CCDC171: variants seen among roughly 807,000 people sequenced by gnomAD.
CCDC171 encodes coiled-coil domain-containing protein 171.
CCDC171 carries 177 observed loss-of-function variants against 168.2 expected under a neutral mutation model. The ratio of observed to expected loss-of-function variants is 1.05; its 90% confidence interval spans 0.93 to 1.19. The LOEUF is 1.19. Ranked by LOEUF, CCDC171 falls within the 50% of genes most tolerant of loss-of-function variation. The pLI, the probability that CCDC171 is intolerant of heterozygous loss-of-function variation, is 0.00. For synonymous variants in CCDC171, 687 were observed against 540.8 expected, an observed-to-expected ratio of 1.27 and a Z score of -3.75; for missense variants, 1,991 against 1,539.0, an observed-to-expected ratio of 1.29 and a Z score of -4.91.
At position 15,677,887 on chromosome 9, in the gene CCDC171, T is replaced by TC. The variant is rs1338937833; in HGVS notation, c.1077-871_1077-870insC. ...TATATGTGTGTGTGTGTCATATATA[T>TC]ATATATATATATATATATATATATA... On this transcript the variant is annotated intron_variant, in intron 9 of 25. Transcript: ENST00000380701. Among the ~76,000 whole-genome samples the TC allele has an allele frequency of 2.3e-3, 31 of 13,538 alleles. 1 individual carries two copies. The highest frequency in any genetic ancestry group is 0.014 in the Admixed American group (15 of 1,058). The allele number at this position is 13,538 out of a possible 152,430, so 8.9% of individuals were successfully genotyped here. A position where few individuals can be genotyped will look rare whatever the true frequency, so the allele number is the denominator to read the frequency against.
At chr9:15,674,929 C>T (rs1050666916) in intron 9 of CCDC171, among the ~76,000 whole-genome samples, 1 of 152,090 alleles carries the variant, frequency 6.6e-6, no homozygotes, top group Non-Finnish European at 1.5e-5. Context: ...AACCTTCTGT[C>T]TCGTTGATCT....
intron 23 of CCDC171, among the ~76,000 whole-genome samples, chr9:15,852,984 G>A (rs568562409): frequency 6.6e-6 from 1 of 151,594 alleles, no homozygotes; most frequent in African/African-American, 2.4e-5. Flanking sequence ...TTTTGATGAC[G>A]ATGTTTTCTA....
chr9:15,607,960 G>A (rs1194788581), intron 6 of CCDC171, among the ~76,000 whole-genome samples: 1 of 152,116 alleles, frequency 6.6e-6, no homozygotes, highest in Non-Finnish European at 1.5e-5. Flanking sequence ...TTGCAGTTCT[G>A]GAGGCTGAGA....
At chr9:16,012,116 A>G (rs1429148921) in intron 3 of CCDC171, among the ~76,000 whole-genome samples, 1 of 152,204 alleles carries the variant, frequency 6.6e-6, no homozygotes, top group African/African-American at 2.4e-5. Context: ...AGATAAGTAA[A>G]TTCTGGCTAA....
At chr9:15,922,730 C>T (rs907997111) in intron 25 of CCDC171, among the ~76,000 whole-genome samples, 1 of 151,428 alleles carries the variant, frequency 6.6e-6, no homozygotes, top group South Asian at 2.1e-4. Flanking sequence ...TTCACCAACA[C>T]TTATCTTTTG....
intron 18 of CCDC171, among the ~76,000 whole-genome samples, chr9:15,762,925 TGGAG>T (rs1296357222): frequency 6.6e-6 from 1 of 152,024 alleles, no homozygotes; most frequent in African/African-American, 2.4e-5. Flanking sequence ...ACTGCACAGG[TGGAG>T]GGAACAGTTC....
downstream of CCDC171, among the ~76,000 whole-genome samples, chr9:15,978,541 G>A (rs1831691371): frequency 6.6e-6 from 1 of 152,112 alleles, no homozygotes; most frequent in African/African-American, 2.4e-5. Context: ...AGACAATTTT[G>A]AGGAAGTCCA....
intron 11 of CCDC171, among the ~76,000 whole-genome samples, chr9:15,718,112 A>G (rs1440954642): frequency 6.6e-6 from 1 of 152,054 alleles, no homozygotes; most frequent in Non-Finnish European, 1.5e-5. Flanking sequence ...GCTGCCCTGA[A>G]GGATGATTCC....
At chr9:15,970,851 C>G (rs139004351) in intron 25 of CCDC171, among the ~76,000 whole-genome samples, 1 of 152,108 alleles carries the variant, frequency 6.6e-6, no homozygotes, top group Non-Finnish European at 1.5e-5. Flanking sequence ...GACTGAGCAC[C>G]AGGGACTATG....
chr9:15,637,290 C>T (rs781471940), intron 7 of CCDC171, among the ~76,000 whole-genome samples: 19 of 151,926 alleles, frequency 1.3e-4, no homozygotes, highest in Non-Finnish European at 2.2e-4. Context: ...ATAAAATGCA[C>T]ACAAAAAAGA....
chr9:16,068,938 T>G, the CCDC171 span, among the ~76,000 whole-genome samples: 1 of 152,126 alleles, frequency 6.6e-6, no homozygotes, highest in African/African-American at 2.4e-5. Context: ...TGTCTTCATC[T>G]CCAAAAAGGT....
chr9:15,682,210 G>T (rs955451333), intron 10 of CCDC171, among the ~76,000 whole-genome samples: 2 of 152,060 alleles, frequency 1.3e-5, no homozygotes, highest in Admixed American at 6.5e-5. Context: ...AACTTTGTAT[G>T]TGTTAGTACA....
intron 21 of CCDC171, among the ~76,000 whole-genome samples, chr9:15,797,083 G>A (rs995079022): frequency 6.6e-6 from 1 of 152,098 alleles, no homozygotes; most frequent in African/African-American, 2.4e-5. Flanking sequence ...CTGTTATAAT[G>A]GGTGTATATG....
At chr9:15,721,364 C>T (rs2053463232) in intron 11 of CCDC171, among the ~76,000 whole-genome samples, 2 of 151,636 alleles carry the variant, frequency 1.3e-5, no homozygotes, top group Admixed American at 1.3e-4. Context: ...CATAACTCCC[C>T]CAAACAATGG....
upstream of CCDC171, among the ~76,000 whole-genome samples, chr9:16,039,733 C>G (rs1460334846): frequency 6.6e-6 from 1 of 152,160 alleles, no homozygotes; most frequent in Admixed American, 6.5e-5. Flanking sequence ...GCACACATTA[C>G]TCCTACTCAT....
At chr9:15,994,618 A>G (rs1018629297) in intron 3 of CCDC171, among the ~76,000 whole-genome samples, 3 of 152,162 alleles carry the variant, frequency 2.0e-5, no homozygotes, top group Non-Finnish European at 4.4e-5. Flanking sequence ...TTATAAATGG[A>G]CACAATTTCT....
chr9:15,903,769 A>G (rs1822075981), intron 24 of CCDC171, among the ~76,000 whole-genome samples: 1 of 152,228 alleles, frequency 6.6e-6, no homozygotes, highest in East Asian at 1.9e-4. Context: ...AAAGAAGTTA[A>G]AAACCTTGAC....
chr9:16,010,064 C>A (rs1397000216), intron 3 of CCDC171, among the ~76,000 whole-genome samples: 2 of 152,076 alleles, frequency 1.3e-5, no homozygotes, highest in African/African-American at 4.8e-5. Context: ...ATCCCAAGTG[C>A]CTCAACAGAG....
At chr9:15,719,291 C>G (rs948135316) in intron 11 of CCDC171, among the ~76,000 whole-genome samples, 4 of 149,346 alleles carry the variant, frequency 2.7e-5, no homozygotes, top group Admixed American at 6.8e-5. Context: ...TCAGAGGAGA[C>G]AAAAGAAAAC....
Sources: allele counts gnomAD v4.1 joint callset (sites outside exome capture counted in the v4.1 genomes callset), GRCh38; gene constraint gnomAD v4.1.1; transcripts MANE v1.5; gene names NCBI Gene and HGNC (gene_info 2026-07-23, HGNC 2026-07-21).